Variants in DIXDC1 observed in about 807,000 individuals in gnomAD.
DIXDC1 encodes the protein DIX domain containing 1, also known as dixin.
In DIXDC1, 64 loss-of-function variants were observed where a neutral mutation model predicts 103.1. The observed-to-expected ratio is 0.62, with a 90% CI of 0.51 to 0.76. The LOEUF is 0.76. Ranked by LOEUF, DIXDC1 falls within the 30% of genes least tolerant of loss-of-function variation. DIXDC1 has a pLI of 0.00. For synonymous variants in DIXDC1, 266 were observed against 298.5 expected (o/e 0.89, Z 1.12); for missense variants, 759 against 834.2 (o/e 0.91, Z 1.11).
intron 7 of DIXDC1, among the ~76,000 whole-genome samples, chr11:111,983,738 G>A (rs1031083026): frequency 2.6e-5 from 4 of 152,186 alleles, no homozygotes; most frequent in Non-Finnish European, 5.9e-5. Context: ...AGAAAAAGAA[G>A]AGAAATGACA....
chr11:111,933,947 C>T (rs1966118242), upstream of DIXDC1, among the ~76,000 whole-genome samples: 2 of 152,216 alleles, frequency 1.3e-5, no homozygotes, highest in Admixed American at 1.3e-4. Context: ...AGGCTAACAT[C>T]TTACTCTATT....
At chr11:111,995,675 G>T in intron 16 of DIXDC1, 111 bp downstream of exon 16, 1 of 1,368,314 alleles carries the variant, frequency 7.3e-7, no homozygotes, top group Non-Finnish European at 9.8e-7. Flanking sequence ...CCTGTTAAAG[G>T]TTAGAGTTGT....
At chr11:111,996,899 CA>C (rs1418524567) in intron 17 of DIXDC1, among the ~76,000 whole-genome samples, 1 of 152,130 alleles carries the variant, frequency 6.6e-6, no homozygotes, top group Non-Finnish European at 1.5e-5. Flanking sequence ...TTAAGTCCTG[CA>C]AAATGTTTGC....
chr11:111,990,571 A>G (rs907024051), intron 10 of DIXDC1, among the ~76,000 whole-genome samples: 7 of 152,184 alleles, frequency 4.6e-5, no homozygotes, highest in African/African-American at 1.7e-4. Context: ...GGTCTTTTTT[A>G]TGGCTGCATA....
chr11:111,937,684 C>T, intron 1 of DIXDC1, 125 bp downstream of exon 1: 1 of 955,776 alleles, frequency 1.0e-6, no homozygotes, highest in South Asian at 1.6e-5. Context: ...CCCAGAACCC[C>T]AAAGGGGCTA....
chr11:111,974,098 G>A lies in DIXDC1; in HGVS notation c.392G>A (p.Ser131Asn), dbSNP rs782262920. 1.4e-5 allele frequency: 22 copies of A among 1,613,888 alleles called. No homozygotes were observed. Among genetic ancestry groups the A allele is most frequent in the Non-Finnish European group, 1.6e-5 (19 of 1,179,912 alleles). ...GCAGCTCATTTCAAACCTGGCTCCA[G>A]CAGGACGGTGAACCAAGGACGGGAC... ...ALAAHFKPGS[S>N]RTVNQGRDSR... The change falls in exon 4 of 20, where the codon AGC (serine) becomes AAC (asparagine). Residue 131 changes from serine to asparagine, a missense_variant. Physicochemically the swap from Ser to Asn is conservative, Grantham distance 46 (BLOSUM62 1). Around this residue, in one of 3 missense-constraint regions of DIXDC1, gnomAD observed 657 missense variants for 727.5 expected, o/e 0.90. Coordinates refer to ENST00000440460, the MANE Select transcript of DIXDC1 (RefSeq NM_001037954.4).
At chr11:111,975,176 T>A (rs587683186) in intron 5 of DIXDC1, 193 bp downstream of exon 5, 1 of 1,385,032 alleles carries the variant, frequency 7.2e-7, no homozygotes, top group Admixed American at 2.8e-5. Flanking sequence ...GGTGGGGTGC[T>A]GGTTTATTTC....
At chr11:112,002,596 G>A (rs1555176128) in intron 17 of DIXDC1, among the ~76,000 whole-genome samples, 2 of 152,090 alleles carry the variant, frequency 1.3e-5, no homozygotes, top group African/African-American at 4.8e-5. Flanking sequence ...TTCGAGATCA[G>A]CCTGGGCAAC....
intron 19 of DIXDC1, among the ~76,000 whole-genome samples, chr11:112,018,103 C>T (rs778993507): frequency 1.3e-5 from 2 of 152,178 alleles, no homozygotes; most frequent in Non-Finnish European, 2.9e-5. Flanking sequence ...CATCATTTGA[C>T]TGAGAACTTG....
chr11:111,944,932 T>C (rs1032143580), intron 1 of DIXDC1, among the ~76,000 whole-genome samples: 1 of 152,238 alleles, frequency 6.6e-6, no homozygotes, highest in Non-Finnish European at 1.5e-5. Context: ...CTGAGATTAG[T>C]TCAACACTGT....
At chr11:111,968,670 G>A (rs781933437) in intron 3 of DIXDC1, 32 bp downstream of exon 3, 1 of 1,594,588 alleles carries the variant, frequency 6.3e-7, no homozygotes, top group South Asian at 1.1e-5. Flanking sequence ...TGGTGCATGA[G>A]TATACTTTAA....
rs1361024562 is a variant in DIXDC1, at chr11:112,017,406, A to G, written c.1863-371A>G. 6.6e-6 allele frequency among the ~76,000 whole-genome samples: 1 copy of G among 152,226 alleles called. No individual in the cohort carries two copies. Among genetic ancestry groups the G allele is most frequent in the Non-Finnish European group, 1.5e-5 (1 of 68,040 alleles). Reference sequence around the variant, plus strand: ...AGATCATGATACTTGATTTGATTCTACCATCCTAGAGAATTGGGATATTGT... The same window carrying G: ...AGATCATGATACTTGATTTGATTCTGCCATCCTAGAGAATTGGGATATTGT... On this transcript the variant is annotated intron_variant, in intron 18 of 19. Coordinates refer to ENST00000440460, the MANE Select transcript of DIXDC1 (RefSeq NM_001037954.4). The surrounding 1 kb of genome is among the most constrained non-coding windows in gnomAD (Gnocchi z 4.0).
chr11:111,937,448 G>T lies in DIXDC1; in HGVS notation c.-52G>T. On this transcript the variant is annotated 5_prime_UTR_variant, in exon 1 of 20. Transcript: ENST00000440460. Reference sequence around the variant, plus strand: ...GTGTGCAGAGGGAGGAGGAGGAGGCGGCGGCGGCCGCCGGGCTGGAGACCC... The same window carrying T: ...GTGTGCAGAGGGAGGAGGAGGAGGCTGCGGCGGCCGCCGGGCTGGAGACCC... 1 of 1,550,498 alleles carries T rather than the reference G, an allele frequency of 6.4e-7. No individual in the cohort carries two copies. The highest frequency in any genetic ancestry group is 8.7e-7 in the Non-Finnish European group (1 of 1,147,402).
intron 17 of DIXDC1, among the ~76,000 whole-genome samples, chr11:112,002,155 A>G (rs1177129564): frequency 1.3e-5 from 2 of 152,002 alleles, no homozygotes; most frequent in Non-Finnish European, 2.9e-5. Flanking sequence ...ACACTTTTTC[A>G]TGACTACCAG....
chr11:111,964,992 A>G (rs2137509611), intron 2 of DIXDC1, among the ~76,000 whole-genome samples: 1 of 152,284 alleles, frequency 6.6e-6, no homozygotes, highest in South Asian at 2.1e-4. Flanking sequence ...CAGTGGGGTA[A>G]GCACAGATGG....
rs61736670 is a variant in DIXDC1, at chr11:111,992,995, A to G, written c.1263A>G (p.Gly421=). Residue 421 remains glycine, a synonymous_variant, in exon 12 of 20, where the codon GGA becomes GGG. Transcript: ENST00000440460. ...TAGATGAGAGGAACCGGCTCTTGGG[A>G]GAATATAAAGTAAGAATGAATATCA... is the stretch of plus-strand genomic sequence containing the variant. ...RKLDERNRLL[G]EYKKELGQKD... 1.2e-3 allele frequency: 1,905 copies of G among 1,604,158 alleles called. 29 individuals are homozygous for G. The African/African-American group carries it at 0.023, about 19-fold the overall frequency.
At chr11:112,015,675 A>G in intron 17 of DIXDC1, 1 of 151,216 alleles carries the variant, frequency 6.6e-6, no homozygotes, top group Non-Finnish European at 1.5e-5. Flanking sequence ...GGTGGCACAC[A>G]CCTGTTATCC....
At position 112,016,784 on chromosome 11, in the gene DIXDC1, A is replaced by G; in HGVS notation, c.1850A>G (p.Asn617Ser). Residue 617 changes from asparagine (N) to serine (S), a missense_variant, in exon 18 of 20, where the codon AAT becomes AGT. Asn to Ser is a conservative substitution (Grantham distance 46). Transcript: ENST00000440460. ...TDRSLTPFMV[N>S]IPKRLEEVTL... ...CGGTCACTTACGCCCTTCATGGTCAATATACCAAAGAGGTGAGATTCTGGG... is the reference window on the plus strand; with the variant it reads ...CGGTCACTTACGCCCTTCATGGTCAGTATACCAAAGAGGTGAGATTCTGGG... 6.2e-7 allele frequency: 1 copy of G among 1,605,706 alleles called. No individual in the cohort carries two copies. The highest frequency in any genetic ancestry group is 1.1e-5 in the South Asian group (1 of 89,576).
At chr11:112,004,694 A>C (rs1251931161) in intron 17 of DIXDC1, among the ~76,000 whole-genome samples, 1 of 152,192 alleles carries the variant, frequency 6.6e-6, no homozygotes, top group Non-Finnish European at 1.5e-5. Flanking sequence ...CAGGCATATG[A>C]GGAAAGCCTA....
Sources: gnomAD v4.1 joint callset for allele counts (sites outside exome capture counted in the v4.1 genomes callset) on GRCh38, gnomAD v4.1.1 for gene constraint, gnomAD v4.1.1 regional missense constraint, Gnocchi (gnomAD v3.1) non-coding constraint, MANE v1.5 for transcripts, NCBI Gene and HGNC (gene_info 2026-07-23, HGNC 2026-07-21) for gene names.